GPC4: variants seen among roughly 807,000 people sequenced by gnomAD.
The protein encoded by GPC4 is glypican-4.
In GPC4, 10 loss-of-function variants were observed where a neutral mutation model predicts 35.0. The ratio of observed to expected loss-of-function variants is 0.29; its 90% CI spans 0.18 to 0.48. The LOEUF (loss-of-function observed/expected upper bound fraction) is 0.48. Among genes scored for constraint, GPC4 ranks in the 20% least tolerant of loss-of-function variants. The pLI is 0.99. For synonymous variants in GPC4, 167 were observed against 170.2 expected, an observed-to-expected ratio of 0.98 and a Z score of 0.15; for missense variants, 322 against 451.3, an observed-to-expected ratio of 0.71 and a Z score of 2.60.
chrX:133,322,757 A>G (rs934924569), intron 3 of GPC4, among the ~76,000 whole-genome samples: 1 of 112,257 alleles, frequency 8.9e-6, no homozygotes, highest in East Asian at 2.8e-4. Flanking sequence ...CCAGTCCTCA[A>G]AACAACCAAA....
intron 2 of GPC4, 84 bp from the exon 3 acceptor site, chrX:133,324,620 GA>G: frequency 1.1e-6 from 1 of 885,252 alleles, no homozygotes; most frequent in Non-Finnish European, 1.5e-6. Context: ...CAGTAAATTT[GA>G]AAACTGGAAA....
rs1419939527 is a variant in GPC4 at position 133,387,694 on chromosome X, G to GTGTTTTGTAATA, written c.160+27111_160+27112insTATTACAAAACA. 2.7e-5 allele frequency among the ~76,000 whole-genome samples: 3 copies of GTGTTTTGTAATA among 111,950 alleles called. No homozygotes were observed. In the East Asian group the frequency reaches 8.4e-4, roughly 31 times the overall value. ...CAATAAGTCTATCATTTGTAATAGAGGCAGTGTTTCCTGTAAATGAGCGCT... is the reference window on the plus strand; with the variant it reads ...CAATAAGTCTATCATTTGTAATAGAGTGTTTTGTAATAGCAGTGTTTCCTGTAAATGAGCGCT... On this transcript the variant is annotated intron_variant, in intron 1 of 8. Coordinates refer to ENST00000370828, the MANE Select transcript of GPC4 (RefSeq NM_001448.3).
At chrX:133,409,156 GAA>G (rs376780023) in intron 1 of GPC4, among the ~76,000 whole-genome samples, 82 of 88,105 alleles carry the variant, frequency 9.3e-4, no homozygotes, top group Non-Finnish European at 1.0e-3. Context: ...CTTCATCTTG[GAA>G]AAAAAAAAAA....
At chrX:133,324,818 A>G (rs2068384361) in intron 2 of GPC4, among the ~76,000 whole-genome samples, 1 of 111,374 alleles carries the variant, frequency 9.0e-6, no homozygotes, top group Admixed American at 9.6e-5. Flanking sequence ...CAATACACAC[A>G]TGCTCTCATT....
chrX:133,399,992 A>T (rs923884874), intron 1 of GPC4, among the ~76,000 whole-genome samples: 3 of 112,027 alleles, frequency 2.7e-5, no homozygotes, highest in African/African-American at 9.7e-5. Flanking sequence ...ACTCTGTCCC[A>T]AAACAAAAAC....
At chrX:133,315,655 A>C (rs2068335083) in intron 3 of GPC4, among the ~76,000 whole-genome samples, 1 of 111,705 alleles carries the variant, frequency 9.0e-6, no homozygotes, top group African/African-American at 3.3e-5. Flanking sequence ...ATCATGCCAC[A>C]CAGGGATTAA....
chrX:133,413,622 G>A (rs2068822278), intron 1 of GPC4, among the ~76,000 whole-genome samples: 1 of 84,705 alleles, frequency 1.2e-5, no homozygotes, highest in South Asian at 6.4e-4. Context: ...GTTCGGAGTG[G>A]AGGCTCAGCC....
chrX:133,411,815 T>C (rs951102392), intron 1 of GPC4, among the ~76,000 whole-genome samples: 3 of 110,829 alleles, frequency 2.7e-5, no homozygotes, highest in Non-Finnish European at 5.7e-5. Flanking sequence ...GACTCAGCAT[T>C]ATTTGAAAAG....
intron 2 of GPC4, among the ~76,000 whole-genome samples, chrX:133,325,003 T>C (rs1311949095): frequency 8.9e-6 from 1 of 111,974 alleles, no homozygotes; most frequent in Admixed American, 9.5e-5. Flanking sequence ...AAAGTCGTTA[T>C]TTTACTTGGG....
chrX:133,325,311 A>C (rs1272851539), intron 2 of GPC4, among the ~76,000 whole-genome samples: 1 of 110,543 alleles, frequency 9.0e-6, no homozygotes, highest in African/African-American at 3.3e-5. Flanking sequence ...AGAGAGAGAG[A>C]GAGCACATGC....
chrX:133,339,873 T>C (rs1221767061), intron 1 of GPC4, among the ~76,000 whole-genome samples: 3 of 112,220 alleles, frequency 2.7e-5, no homozygotes, highest in Non-Finnish European at 5.6e-5. Context: ...GAGGAAACTA[T>C]AGGGGTTTAT....
At chrX:133,390,515 T>A (rs984154635) in intron 1 of GPC4, among the ~76,000 whole-genome samples, 4 of 111,405 alleles carry the variant, frequency 3.6e-5, no homozygotes, top group Non-Finnish European at 7.5e-5. Context: ...ACAAGGGAAG[T>A]TTCCAAGGAG....
rs768110463 is a variant in GPC4 at position 133,306,521 on chromosome X, C to T, written c.878-367G>A. On this transcript the variant is annotated intron_variant, in intron 4 of 8. Transcript: ENST00000370828. ...GGCTGGAGACAAAATAACATGCCAG[C>T]TCTCCCAGAGACTTCCCTAGGATCT... is the stretch of plus-strand genomic sequence containing the variant. 2.7e-5 allele frequency among the ~76,000 whole-genome samples: 3 copies of T among 111,686 alleles called. No homozygotes were observed. The South Asian group carries it at 1.1e-3, about 42-fold the overall frequency.
intron 1 of GPC4, among the ~76,000 whole-genome samples, chrX:133,396,052 T>C (rs1397518232): frequency 8.9e-6 from 1 of 111,786 alleles, no homozygotes; most frequent in Non-Finnish European, 1.9e-5. Context: ...TCTCCAATAC[T>C]TTACATTTAT....
intron 2 of GPC4, among the ~76,000 whole-genome samples, chrX:133,324,747 A>G (rs903753931): frequency 9.0e-6 from 1 of 111,514 alleles, no homozygotes; most frequent in Non-Finnish European, 1.9e-5. Context: ...AGTCACTTAC[A>G]TAGGTGTCTG....
At chrX:133,318,531 G>A (rs747012240) in intron 3 of GPC4, among the ~76,000 whole-genome samples, 5 of 111,966 alleles carry the variant, frequency 4.5e-5, no homozygotes, top group Non-Finnish European at 9.4e-5. Flanking sequence ...CAATGGTGAG[G>A]CACTGATTTC....
intron 1 of GPC4, among the ~76,000 whole-genome samples, chrX:133,355,664 T>A (rs780280875): frequency 4.0e-4 from 45 of 111,841 alleles, no homozygotes; most frequent in South Asian, 1.1e-3. Context: ...GTTTTGGATG[T>A]GTGCACCATC....
intron 1 of GPC4, chrX:133,414,462 C>T (rs1026072711): frequency 1.3e-6 from 1 of 749,802 alleles, no homozygotes; most frequent in African/African-American, 2.4e-5. Flanking sequence ...GTGACACGCA[C>T]TTTGAGGGCC....
chrX:133,346,267 T>C (rs1002112328), intron 1 of GPC4, among the ~76,000 whole-genome samples: 7 of 111,979 alleles, frequency 6.3e-5, no homozygotes, highest in African/African-American at 2.3e-4. Flanking sequence ...GTTGGGGTTT[T>C]CCTTTCAATT....
Sources: allele counts gnomAD v4.1 joint callset (sites outside exome capture counted in the v4.1 genomes callset), GRCh38; gene constraint gnomAD v4.1.1; transcripts MANE v1.5; gene names NCBI Gene and HGNC (gene_info 2026-07-23, HGNC 2026-07-21).